Variants in PDE3A observed in about 807,000 individuals in gnomAD.
PDE3A encodes cGMP-inhibited 3',5'-cyclic phosphodiesterase 3A.
A neutral mutation model predicts 98.3 loss-of-function variants in PDE3A; 43 were observed. The observed-to-expected ratio is 0.44, with a 90% CI of 0.34 to 0.56. The LOEUF is 0.56. Among genes scored for constraint, PDE3A ranks in the 20% least tolerant of loss-of-function variants. The pLI, the probability that PDE3A is intolerant of heterozygous loss-of-function variation, is 0.01. For missense variants in PDE3A, 1,427 were observed against 1,440.7 expected, an observed-to-expected ratio of 0.99 and a Z score of 0.15; for synonymous variants, 663 against 567.9, an observed-to-expected ratio of 1.17 and a Z score of -2.38.
intron 10 of PDE3A, among the ~76,000 whole-genome samples, 177 bp from the exon 11 acceptor site, chr12:20,646,313 A>G (rs1167869472): frequency 6.6e-6 from 1 of 152,158 alleles, no homozygotes; most frequent in African/African-American, 2.4e-5. Context: ...TCTTGTTACG[A>G]TGGATGTTAT....
At chr12:20,638,611 T>TTTTCTTTCTGAAAATTTC (rs1258525008) in intron 9 of PDE3A, among the ~76,000 whole-genome samples, 9 of 152,136 alleles carry the variant, frequency 5.9e-5, no homozygotes. Flanking sequence ...CCCTGGGAGA[T>TTTTCTTTCTGAAAATTTC]TGTGTATTTT....
chr12:20,646,963 A>AT lies in PDE3A; in HGVS notation c.2565+17dup. On this transcript the variant is annotated intron_variant, in intron 12 of 15. Coordinates refer to ENST00000359062, the MANE Select transcript of PDE3A (RefSeq NM_000921.5). The stretch of plus-strand genomic sequence containing the variant: ...TAGTGCTCCTCAGGTAAATCTTTAG[A>AT]TTTTGGTTAGGAGAACTAATTTAAA... 1 of 1,591,954 alleles carries AT rather than the reference A, an allele frequency of 6.3e-7. No individual in the cohort carries two copies. Among genetic ancestry groups the AT allele is most frequent in the South Asian group, 1.1e-5 (1 of 90,260 alleles).
chr12:20,464,405 T>A (rs1450459433), intron 1 of PDE3A, among the ~76,000 whole-genome samples: 1 of 152,190 alleles, frequency 6.6e-6, no homozygotes, highest in Admixed American at 6.5e-5. Flanking sequence ...TTGGAATTAT[T>A]TTTTCAGCTC....
At chr12:20,641,366 T>C (rs1404806100) in intron 10 of PDE3A, among the ~76,000 whole-genome samples, 1 of 152,096 alleles carries the variant, frequency 6.6e-6, no homozygotes, top group African/African-American at 2.4e-5. Flanking sequence ...GATCTCAAGA[T>C]AAGCCTTGCT....
chr12:20,577,336 TG>T (rs1942959282), intron 2 of PDE3A, among the ~76,000 whole-genome samples: 2 of 152,112 alleles, frequency 1.3e-5, no homozygotes, highest in Non-Finnish European at 2.9e-5. Flanking sequence ...TAGGAATCAC[TG>T]ATACATACCT....
At chr12:20,448,744 A>C (rs373193143) in intron 1 of PDE3A, among the ~76,000 whole-genome samples, 1 of 108,918 alleles carries the variant, frequency 9.2e-6, no homozygotes, top group Non-Finnish European at 2.1e-5. Context: ...TAAAGTTTTT[A>C]TTTTAAGGTT....
Position 20,395,569 on chromosome 12 carries a change from T to TGTATACTATGTGTAC in PDE3A, c.960+25325_960+25326insGTATACTATGTGTAC, listed in dbSNP as rs1565535737. Among the ~76,000 whole-genome samples, 969 of 113,068 alleles carry TGTATACTATGTGTAC rather than the reference T, an allele frequency of 8.6e-3. 9 individuals carry two copies. The highest frequency in any genetic ancestry group is 0.032 in the African/African-American group (924 of 28,524). 74.2% of individuals were successfully genotyped at this position (113,068 alleles called of 152,430 possible). A position where few individuals can be genotyped will look rare whatever the true frequency, so the allele number is the denominator to read the frequency against. On this transcript the variant is annotated intron_variant, in intron 1 of 15. Coordinates refer to ENST00000359062, the MANE Select transcript of PDE3A (RefSeq NM_000921.5). ...ACTATGTGTACACATAGTATATATA[T>TGTATACTATGTGTAC]ACATAGTATTATATATGTATACTAT... is the stretch of plus-strand genomic sequence containing the variant.
Position 20,683,861 on chromosome 12 carries a change from G to A in PDE3A, c.*3590G>A, listed in dbSNP as rs3168548. 1.3e-5 allele frequency: 2 copies of A among 152,024 alleles called. No homozygotes were observed. Among genetic ancestry groups the A allele is most frequent in the East Asian group, 1.9e-4 (1 of 5,186 alleles). 9.4% of individuals were successfully genotyped at this position (152,024 alleles called of 1,614,324 possible). ...CTTTCCGTTGCAATCCCAGTAAAAC[G>A]AAAGAAAAGGAATATCTTACAGACT... is the stretch of plus-strand genomic sequence containing the variant. On this transcript the variant is annotated 3_prime_UTR_variant, in exon 16 of 16. Coordinates refer to ENST00000359062, the MANE Select transcript of PDE3A (RefSeq NM_000921.5).
intron 1 of PDE3A, among the ~76,000 whole-genome samples, chr12:20,467,590 A>G (rs1238742492): frequency 6.6e-6 from 1 of 152,106 alleles, no homozygotes; most frequent in Admixed American, 6.6e-5. Flanking sequence ...CTTCTTCCAC[A>G]TTTTAAAGAT....
intron 1 of PDE3A, among the ~76,000 whole-genome samples, chr12:20,511,855 G>A (rs1946230819): frequency 6.6e-6 from 1 of 152,072 alleles, no homozygotes. Context: ...ATCACAATAA[G>A]TGGTGTTGAT....
intron 1 of PDE3A, among the ~76,000 whole-genome samples, chr12:20,385,997 T>TATATAAATATATATAAAAA (rs1555140879): frequency 9.7e-6 from 1 of 102,936 alleles, no homozygotes; most frequent in African/African-American, 4.4e-5. Flanking sequence ...ATATATAAAA[T>TATATAAATATATATAAAAA]ATATATATAA....
chr12:20,461,631 C>G (rs1945254683), intron 1 of PDE3A, among the ~76,000 whole-genome samples: 1 of 152,082 alleles, frequency 6.6e-6, no homozygotes, highest in African/African-American at 2.4e-5. Context: ...ACTTCTTTCT[C>G]TAGGTAATGT....
intron 10 of PDE3A, among the ~76,000 whole-genome samples, chr12:20,645,040 C>G (rs1037040687): frequency 6.6e-6 from 1 of 151,982 alleles, no homozygotes; most frequent in Admixed American, 6.6e-5. Context: ...AGGTGCCCAC[C>G]ACCACGCTCG....
chr12:20,680,327 C>G lies in PDE3A; in HGVS notation c.*56C>G, dbSNP rs1264266834. The G allele has an allele frequency of 2.6e-6, 4 of 1,562,662 alleles. No individual in the cohort carries two copies. In the African/African-American group the frequency reaches 5.4e-5, roughly 21 times the overall value. ...AGATTGACTTGTCAAAGACTCTCTT[C>G]AAGCCAGCACAACATTTAGACACAA... On this transcript the variant is annotated 3_prime_UTR_variant, in exon 16 of 16. Transcript: ENST00000359062.
intron 1 of PDE3A, among the ~76,000 whole-genome samples, chr12:20,448,751 G>GTTTTTTTT (rs1265923346): frequency 0.042 from 5,560 of 133,198 alleles, 279 homozygotes; most frequent in South Asian, 0.07. Context: ...TTTATTTTAA[G>GTTTTTTTT]GTTTTTTTTT....
At chr12:20,596,371 G>A (rs4417347) in intron 2 of PDE3A, among the ~76,000 whole-genome samples, 86,786 of 151,906 alleles carry the variant, frequency 0.57, 24,864 homozygotes, top group Admixed American at 0.64. Flanking sequence ...ACATCTGCCC[G>A]CTAAATGTCT....
rs563896902 is a variant in PDE3A, at chr12:20,477,988, G to A, written c.961-78672G>A. The stretch of plus-strand genomic sequence containing the variant: ...ACAAGTTTGGCTTCTTGAAATCTCA[G>A]AAGTACTCATTCCTCAAGTAATTAA... On this transcript the variant is annotated intron_variant, in intron 1 of 15. Transcript: ENST00000359062. Among the ~76,000 whole-genome samples the A allele has an allele frequency of 1.0e-3, 153 of 152,238 alleles. 1 individual carries two copies. The highest frequency in any genetic ancestry group is 3.4e-3 in the Middle Eastern group (1 of 294).
chr12:20,439,274 T>A (rs1421947389), intron 1 of PDE3A, among the ~76,000 whole-genome samples: 1 of 152,214 alleles, frequency 6.6e-6, no homozygotes, highest in Non-Finnish European at 1.5e-5. Context: ...AGAACAAGAC[T>A]CACTCAGTTG....
Position 20,369,145 on chromosome 12 carries a change from G to T in PDE3A, c.-140G>T, listed in dbSNP as rs901183685. On this transcript the variant is annotated 5_prime_UTR_variant, in exon 1 of 16. Transcript: ENST00000359062. ...AAACTTTCAGTGGATTGTGGGCCTGGGGAGAAGAAGGATTCCGAGGGTGGA... is the reference window on the plus strand; with the variant it reads ...AAACTTTCAGTGGATTGTGGGCCTGTGGAGAAGAAGGATTCCGAGGGTGGA... 6.9e-6 allele frequency: 4 copies of T among 580,296 alleles called. No homozygotes were observed. The highest frequency in any genetic ancestry group is 1.2e-5 in the Non-Finnish European group (4 of 341,046). 35.9% of individuals were successfully genotyped at this position (580,296 alleles called of 1,614,324 possible). A position where few individuals can be genotyped will look rare whatever the true frequency, so the allele number is the denominator to read the frequency against.
Sources: gnomAD v4.1 joint callset for allele counts (sites outside exome capture counted in the v4.1 genomes callset) on GRCh38, gnomAD v4.1.1 for gene constraint, MANE v1.5 for transcripts, NCBI Gene and HGNC (gene_info 2026-07-23, HGNC 2026-07-21) for gene names.